CACNB2: variants seen among roughly 807,000 people sequenced by gnomAD.
CACNB2 encodes voltage-dependent L-type calcium channel subunit beta-2.
A neutral mutation model predicts 73.3 loss-of-function variants in CACNB2; 42 were observed. That is an observed-to-expected ratio of 0.57 (90% CI 0.45 to 0.74). CACNB2 has a LOEUF of 0.74. CACNB2 is among the 30% of genes least tolerant of loss of function. The pLI is 0.00. For synonymous variants in CACNB2, 348 were observed against 310.3 expected (o/e 1.12, Z -1.28); for missense variants, 940 against 853.0 (o/e 1.10, Z -1.27).
In CACNB2 at chr10:18,540,332, T is replaced by A. The variant is rs4748484; in HGVS notation, c.*608T>A. The A allele has an allele frequency of 0.38, 54,260 of 142,708 alleles. 10,314 individuals are homozygous for A. The highest frequency in any genetic ancestry group is 0.75 in the East Asian group (3,802 of 5,080). The allele number at this position is 142,708 out of a possible 1,614,324, so 8.8% of individuals were successfully genotyped here. Reference sequence around the variant, plus strand: ...AACAAACACCTTCTTATTATATATATAATATATATATATATCAGTTTGATC... The same window carrying A: ...AACAAACACCTTCTTATTATATATAAAATATATATATATATCAGTTTGATC... On this transcript the variant is annotated 3_prime_UTR_variant, in exon 14 of 14. Coordinates refer to ENST00000324631, the MANE Select transcript of CACNB2 (RefSeq NM_201596.3).
At chr10:18,373,631 C>G (rs1320740719) in intron 2 of CACNB2, among the ~76,000 whole-genome samples, 1 of 152,176 alleles carries the variant, frequency 6.6e-6, no homozygotes, top group East Asian at 1.9e-4. Flanking sequence ...TTACTCTGTT[C>G]CTCCCATGAA....
intron 12 of CACNB2, among the ~76,000 whole-genome samples, chr10:18,536,465 T>A (rs2053613678): frequency 6.6e-6 from 1 of 151,880 alleles, no homozygotes; most frequent in Admixed American, 6.6e-5. Flanking sequence ...TCTTGCTATG[T>A]TGCCCAGGCT....
chr10:18,170,802 A>C (rs1290283370), intron 2 of CACNB2, among the ~76,000 whole-genome samples: 1 of 152,228 alleles, frequency 6.6e-6, no homozygotes, highest in East Asian at 1.9e-4. Flanking sequence ...TTTAAGCTTG[A>C]TTATAGTATT....
intron 3 of CACNB2, among the ~76,000 whole-genome samples, chr10:18,476,596 T>C (rs1039085754): frequency 2.0e-5 from 3 of 152,166 alleles, no homozygotes; most frequent in African/African-American, 4.8e-5. Flanking sequence ...ACACATCTGA[T>C]TGGCTACAGA....
In CACNB2 at chr10:18,303,299, T is replaced by C. The variant is rs564852265; in HGVS notation, c.214-98625T>C. On this transcript the variant is annotated intron_variant, in intron 2 of 13. Coordinates refer to ENST00000324631, the MANE Select transcript of CACNB2 (RefSeq NM_201596.3). Reference sequence around the variant, plus strand: ...GCGAGGATCACTTGAGCTGAGGAGTTCAAGAACAGCCTGGCCAGCATAGTA... The same window carrying C: ...GCGAGGATCACTTGAGCTGAGGAGTCCAAGAACAGCCTGGCCAGCATAGTA... 4.6e-5 allele frequency among the ~76,000 whole-genome samples: 7 copies of C among 152,128 alleles called. No homozygotes were observed. In the South Asian group the frequency reaches 8.3e-4, roughly 18 times the overall value.
intron 2 of CACNB2, among the ~76,000 whole-genome samples, chr10:18,381,481 G>A (rs552723353): frequency 7.0e-6 from 1 of 143,146 alleles, no homozygotes; most frequent in South Asian, 2.1e-4. Context: ...CGGAGGTCAG[G>A]AGTCAAGACC....
intron 3 of CACNB2, among the ~76,000 whole-genome samples, chr10:18,460,228 G>A (rs2047496490): frequency 6.6e-6 from 1 of 152,024 alleles, no homozygotes; most frequent in Admixed American, 6.6e-5. Flanking sequence ...GTTTGTGGCT[G>A]TCAGTAGATT....
chr10:18,321,548 T>G (rs929345120), intron 2 of CACNB2, among the ~76,000 whole-genome samples: 1 of 152,220 alleles, frequency 6.6e-6, no homozygotes, highest in Admixed American at 6.5e-5. Context: ...ATGGACTGTT[T>G]GTAACTCACA....
chr10:18,472,221 C>CTTTTTTTTTT (rs200348808), intron 3 of CACNB2, among the ~76,000 whole-genome samples: 28 of 119,414 alleles, frequency 2.3e-4, no homozygotes, highest in Non-Finnish European at 3.3e-4. Flanking sequence ...CACTTTTCTT[C>CTTTTTTTTTT]TTTTTTTTTT....
At chr10:18,147,800 C>CT (rs1428678116) in intron 1 of CACNB2, among the ~76,000 whole-genome samples, 5 of 152,004 alleles carry the variant, frequency 3.3e-5, no homozygotes, top group Middle Eastern at 3.4e-3. Flanking sequence ...TTGGCCTTCA[C>CT]TTTTTTCCCC....
At chr10:18,157,157 C>T (rs1385305570) in intron 2 of CACNB2, among the ~76,000 whole-genome samples, 1 of 151,814 alleles carries the variant, frequency 6.6e-6, no homozygotes, top group Non-Finnish European at 1.5e-5. Flanking sequence ...AGGTGCAATA[C>T]ATGATCACTT....
At position 18,542,929 on chromosome 10, in the gene CACNB2, C is replaced by G. The variant is rs2054129124; in HGVS notation, c.*3205C>G. The G allele has an allele frequency of 7.1e-6, 1 of 140,882 alleles. No individual in the cohort carries two copies. Among genetic ancestry groups the G allele is most frequent in the African/African-American group, 2.7e-5 (1 of 37,522 alleles). 8.7% of individuals were successfully genotyped at this position (140,882 alleles called of 1,614,324 possible). A position where few individuals can be genotyped will look rare whatever the true frequency, so the allele number is the denominator to read the frequency against. Reference sequence around the variant, plus strand: ...CATATCCATTTCAGTCTTTCCTATGCTCTTTCTCTACTGCTCATTTAAGTT... The same window carrying G: ...CATATCCATTTCAGTCTTTCCTATGGTCTTTCTCTACTGCTCATTTAAGTT... On this transcript the variant is annotated 3_prime_UTR_variant, in exon 14 of 14. Coordinates refer to ENST00000324631, the MANE Select transcript of CACNB2 (RefSeq NM_201596.3).
intron 2 of CACNB2, among the ~76,000 whole-genome samples, chr10:18,307,982 A>ATTTTTTTTTTTTTTTT (rs1564423318): frequency 3.0e-4 from 16 of 52,640 alleles, no homozygotes; most frequent in South Asian, 5.3e-4. Flanking sequence ...ATATATGCCA[A>ATTTTTTTTTTTTTTTT]CTTTTTTTTT....
At chr10:18,441,029 T>C (rs1409079907) in intron 3 of CACNB2, among the ~76,000 whole-genome samples, 1 of 152,186 alleles carries the variant, frequency 6.6e-6, no homozygotes, top group Admixed American at 6.5e-5. Context: ...AGCCATGGGA[T>C]TGGGAACCAG....
intron 2 of CACNB2, among the ~76,000 whole-genome samples, chr10:18,254,751 T>C (rs2037213921): frequency 6.6e-6 from 1 of 152,082 alleles, no homozygotes; most frequent in African/African-American, 2.4e-5. Flanking sequence ...AGGAGAGAAA[T>C]GAGGACTGGA....
chr10:18,493,855 T>C (rs751117256), intron 3 of CACNB2, among the ~76,000 whole-genome samples: 7 of 152,208 alleles, frequency 4.6e-5, no homozygotes, highest in Non-Finnish European at 7.3e-5. Flanking sequence ...CTGGCCTCTT[T>C]GGTTTAGCAT....
chr10:18,299,083 A>AT (rs2039399265), intron 2 of CACNB2, among the ~76,000 whole-genome samples: 2 of 62,976 alleles, frequency 3.2e-5, no homozygotes, highest in Non-Finnish European at 7.2e-5. Flanking sequence ...AAAAAAAATA[A>AT]AAAATAAAAG....
intron 2 of CACNB2, among the ~76,000 whole-genome samples, chr10:18,152,863 AGAAAC>A (rs2031720938): frequency 6.6e-6 from 1 of 152,160 alleles, no homozygotes; most frequent in South Asian, 2.1e-4. Flanking sequence ...CATAATGAAT[AGAAAC>A]GAACAGTGTA....
rs1482462350 is a variant in CACNB2 at position 18,432,834 on chromosome 10, A to AC, written c.333+30791_333+30792insC. ...GGGTGACAGAGTCAGCCCTGTCTAA[A>AC]AAAACAAACAAACAAACAAACAAAC... On this transcript the variant is annotated intron_variant, in intron 3 of 13. Coordinates refer to ENST00000324631, the MANE Select transcript of CACNB2 (RefSeq NM_201596.3). 2.0e-4 allele frequency among the ~76,000 whole-genome samples: 20 copies of AC among 98,818 alleles called. No individual in the cohort carries two copies. The East Asian group carries it at 3.3e-3, about 16-fold the overall frequency. 64.8% of individuals were successfully genotyped at this position (98,818 alleles called of 152,430 possible).
Sources: allele counts gnomAD v4.1 joint callset (sites outside exome capture counted in the v4.1 genomes callset), GRCh38; gene constraint gnomAD v4.1.1; transcripts MANE v1.5; gene names NCBI Gene and HGNC (gene_info 2026-07-23, HGNC 2026-07-21).